Variants in ZNF723 observed in about 807,000 individuals in gnomAD.
ZNF723 encodes the protein zinc finger protein 723, pseudogene.
ZNF723 carries 5 observed loss-of-function variants against 9.4 expected under a neutral mutation model. The observed-to-expected ratio is 0.53, with a 90% confidence interval of 0.28 to 1.12. The LOEUF is 1.12. Ranked by LOEUF, ZNF723 falls within the 50% of genes most tolerant of loss-of-function variation. The pLI, the probability that ZNF723 is intolerant of heterozygous loss-of-function variation, is 0.10. For missense variants in ZNF723, 450 were observed against 501.5 expected, an observed-to-expected ratio of 0.90 and a Z score of 0.98; for synonymous variants, 158 against 168.8, an observed-to-expected ratio of 0.94 and a Z score of 0.49.
chr19:22,816,847 C>T, the ZNF723 span, among the ~76,000 whole-genome samples: 2 of 152,234 alleles, frequency 1.3e-5, no homozygotes, highest in Non-Finnish European at 2.9e-5. Context: ...GATCCTCCAG[C>T]CTTTCCTCTG....
chr19:22,848,490 C>T (rs1967345786), intron 2 of ZNF723, 103 bp downstream of exon 2: 12 of 891,048 alleles, frequency 1.3e-5, no homozygotes, highest in Non-Finnish European at 2.0e-5. Context: ...AAATGAGTTT[C>T]ACATCACTGT....
At chr19:22,816,426 C>T in the ZNF723 span, among the ~76,000 whole-genome samples, 2 of 152,168 alleles carry the variant, frequency 1.3e-5, no homozygotes, top group Non-Finnish European at 2.9e-5. Context: ...ACACTGTCTG[C>T]AGGAGGGATT....
chr19:22,838,558 A>C (rs1967198988), intron 1 of ZNF723, among the ~76,000 whole-genome samples: 1 of 150,216 alleles, frequency 6.7e-6, no homozygotes, highest in South Asian at 2.1e-4. Context: ...TCTCAAAAAG[A>C]AAAAAAAAGA....
intron 2 of ZNF723, 30 bp downstream of exon 2, chr19:22,848,417 G>A (rs533267067): frequency 7.7e-7 from 1 of 1,304,562 alleles, no homozygotes; most frequent in Non-Finnish European, 1.1e-6. Context: ...ACAATCCTCA[G>A]ATACTGTAAA....
upstream of ZNF723, among the ~76,000 whole-genome samples, chr19:22,828,523 C>G (rs1259903272): frequency 6.6e-6 from 1 of 151,984 alleles, no homozygotes; most frequent in African/African-American, 2.4e-5. Flanking sequence ...TTTGGTGGCG[C>G]GTGCCTGTAA....
the ZNF723 span, among the ~76,000 whole-genome samples, chr19:22,827,183 T>C: frequency 6.6e-6 from 1 of 152,124 alleles, no homozygotes; most frequent in Admixed American, 6.6e-5. Flanking sequence ...ACTAAAGTTG[T>C]GCTAAATAAT....
At chr19:22,823,892 T>G in the ZNF723 span, among the ~76,000 whole-genome samples, 1 of 152,230 alleles carries the variant, frequency 6.6e-6, no homozygotes, top group Non-Finnish European at 1.5e-5. Flanking sequence ...ATGTACTTCT[T>G]CTGCCATAGT....
rs2062183280 is a variant in ZNF723, at chr19:22,857,578, C to T, written c.687C>T (p.Tyr229=). Residue 229 remains tyrosine (Y), a synonymous_variant, in exon 4 of 4, where the codon TAC becomes TAT. Coordinates refer to ENST00000600766, the MANE Select transcript of ZNF723 (RefSeq NM_001349726.2). ...HKRIHTGEKP[Y]KCEECGKAFN... is the part of the protein sequence containing the mutation. ...GAATTCATACTGGAGAGAAACCCTA[C>T]AAATGTGAAGAATGTGGCAAAGCCT... is the stretch of plus-strand genomic sequence containing the variant. 7.4e-7 allele frequency: 1 copy of T among 1,344,596 alleles called. No individual in the cohort carries two copies. The highest frequency in any genetic ancestry group is 1.7e-5 in the Admixed American group (1 of 59,652). 83.3% of individuals were successfully genotyped at this position (1,344,596 alleles called of 1,614,324 possible).
In ZNF723 at chr19:22,857,832, A is replaced by G. The variant is rs1159700534; in HGVS notation, c.941A>G (p.Lys314Arg). Residue 314 changes from lysine (K) to arginine (R), a missense_variant, in exon 4 of 4, where the codon AAA becomes AGA. Transcript: ENST00000600766. The part of the protein sequence containing the change: ...KRIHTGEKPY[K>R]CEECGKAFNQ... ...ATTCATACTGGAGAGAAACCCTACAAATGTGAAGAATGTGGCAAAGCCTTT... is the reference window on the plus strand; with the variant it reads ...ATTCATACTGGAGAGAAACCCTACAGATGTGAAGAATGTGGCAAAGCCTTT... The G allele has an allele frequency of 5.7e-6, 8 of 1,397,044 alleles. No homozygotes were observed. The highest frequency in any genetic ancestry group is 1.7e-5 in the Admixed American group (1 of 59,768). 86.5% of individuals were successfully genotyped at this position (1,397,044 alleles called of 1,614,324 possible). A position where few individuals can be genotyped will look rare whatever the true frequency, so the allele number is the denominator to read the frequency against.
chr19:22,828,299 G>A (rs1331475201), upstream of ZNF723, among the ~76,000 whole-genome samples: 3 of 152,052 alleles, frequency 2.0e-5, no homozygotes, highest in African/African-American at 4.8e-5. Flanking sequence ...GTGCCACTAA[G>A]GCCTAGAGTT....
upstream of ZNF723, among the ~76,000 whole-genome samples, chr19:22,830,994 C>T (rs368698): frequency 0.096 from 14,593 of 152,064 alleles, 782 homozygotes; most frequent in Middle Eastern, 0.15. Flanking sequence ...AACTCCTGAC[C>T]TCAGGTGATT....
chr19:22,849,715 C>T (rs1195960048), intron 3 of ZNF723, among the ~76,000 whole-genome samples: 1 of 152,110 alleles, frequency 6.6e-6, no homozygotes, highest in African/African-American at 2.4e-5. Context: ...TCGAGACCAG[C>T]CTGGCCAACA....
At position 22,857,748 on chromosome 19, in the gene ZNF723, A is replaced by G; in HGVS notation, c.857A>G (p.Lys286Arg). 7.8e-7 allele frequency: 1 copy of G among 1,287,324 alleles called. No individual in the cohort carries two copies. The highest frequency in any genetic ancestry group is 1.1e-6 in the Non-Finnish European group (1 of 882,678). The allele number at this position is 1,287,324 out of a possible 1,614,324, so 79.7% of individuals were successfully genotyped here. The change falls in exon 4 of 4, where the codon AAA (lysine) becomes AGA (arginine). Residue 286 changes from lysine to arginine, a missense_variant. Coordinates refer to ENST00000600766, the MANE Select transcript of ZNF723 (RefSeq NM_001349726.2). ...KRIHTGEKPY[K>R]CKECGKAFNV... ...ATTCACACTGGAGAGAAACCCTACA[A>G]ATGTAAAGAATGTGGCAAAGCCTTT...
intron 3 of ZNF723, among the ~76,000 whole-genome samples, chr19:22,853,263 T>C (rs1967423018): frequency 6.6e-6 from 1 of 152,108 alleles, no homozygotes. Context: ...GCCTTCAACA[T>C]TGTTTCTTTT....
At chr19:22,817,953 C>G in the ZNF723 span, among the ~76,000 whole-genome samples, 1 of 152,002 alleles carries the variant, frequency 6.6e-6, no homozygotes, top group Non-Finnish European at 1.5e-5. Flanking sequence ...CATGAATAAA[C>G]AGAGCACACT....
intron 1 of ZNF723, among the ~76,000 whole-genome samples, chr19:22,847,100 G>T (rs1400196014): frequency 3.3e-5 from 5 of 150,428 alleles, no homozygotes; most frequent in African/African-American, 1.2e-4. Context: ...TTTTGAGACA[G>T]GGCCTCACTC....
rs377724792 is a variant in ZNF723, at chr19:22,844,310, T to G, written c.4-3951T>G. Among the ~76,000 whole-genome samples, 6 of 152,334 alleles carry G rather than the reference T, an allele frequency of 3.9e-5. No homozygotes were observed. In the East Asian group the frequency reaches 1.2e-3, roughly 29 times the overall value. ...AAAAAATATAAACACAATAAAAGTTTCTCTAAACTGCGTTAAACTTTTCTC... is the reference window on the plus strand; with the variant it reads ...AAAAAATATAAACACAATAAAAGTTGCTCTAAACTGCGTTAAACTTTTCTC... On this transcript the variant is annotated intron_variant, in intron 1 of 3. Coordinates refer to ENST00000600766, the MANE Select transcript of ZNF723 (RefSeq NM_001349726.2).
intron 1 of ZNF723, among the ~76,000 whole-genome samples, chr19:22,844,282 C>CA (rs35493936): frequency 0.21 from 31,895 of 151,834 alleles, 3,973 homozygotes; most frequent in African/African-American, 0.35. Flanking sequence ...ACTAGTCACA[C>CA]AAAAAAAATA....
the ZNF723 span, among the ~76,000 whole-genome samples, chr19:22,817,431 C>T: frequency 6.6e-6 from 1 of 152,094 alleles, no homozygotes; most frequent in Non-Finnish European, 1.5e-5. Context: ...TGACTCTCCT[C>T]TTCCGCTTGC....
Sources: allele counts gnomAD v4.1 joint callset (sites outside exome capture counted in the v4.1 genomes callset), GRCh38; gene constraint gnomAD v4.1.1; transcripts MANE v1.5; gene names NCBI Gene and HGNC (gene_info 2026-07-23, HGNC 2026-07-21).